RASA2: variants seen among roughly 807,000 people sequenced by gnomAD.
RASA2 encodes the protein ras GTPase-activating protein 2.
In RASA2, 155 loss-of-function variants were observed where a neutral mutation model predicts 118.2. The observed-to-expected ratio is 1.31, with a 90% CI of 1.15 to 1.50. The LOEUF is 1.50. Ranked by LOEUF, RASA2 falls within the 40% of genes most tolerant of loss-of-function variation. RASA2 has a pLI of 0.00. For synonymous variants in RASA2, 353 were observed against 349.1 expected (o/e 1.01, Z -0.12); for missense variants, 1,016 against 1,009.6 (o/e 1.01, Z -0.09).
chr3:141,585,053 A>G (rs917021534), intron 17 of RASA2, among the ~76,000 whole-genome samples: 1 of 152,104 alleles, frequency 6.6e-6, no homozygotes, highest in Non-Finnish European at 1.5e-5. Context: ...CTGTATTCTT[A>G]TGGGCCTTAC....
rs985090810 is a variant in RASA2 at position 141,613,295 on chromosome 3, G to A, written c.*982G>A. On this transcript the variant is annotated 3_prime_UTR_variant, in exon 24 of 24. Transcript: ENST00000286364. ...GACTTTAGATACTCCATGGTATCTAGTCTTTATGATCAGTTGAATGATCAG... is the reference window on the plus strand; with the variant it reads ...GACTTTAGATACTCCATGGTATCTAATCTTTATGATCAGTTGAATGATCAG... 2.0e-5 allele frequency: 3 copies of A among 152,148 alleles called. No homozygotes were observed. The highest frequency in any genetic ancestry group is 2.0e-4 in the Admixed American group (3 of 15,286). 9.4% of individuals were successfully genotyped at this position (152,148 alleles called of 1,614,324 possible).
intron 17 of RASA2, among the ~76,000 whole-genome samples, chr3:141,584,452 A>G (rs1438054715): frequency 6.6e-6 from 1 of 151,872 alleles, no homozygotes; most frequent in African/African-American, 2.4e-5. Context: ...AGGGTAGCAT[A>G]TTTATGAAGT....
At chr3:141,529,621 C>A in intron 3 of RASA2, 87 bp from the exon 4 acceptor site, 1 of 787,188 alleles carries the variant, frequency 1.3e-6, no homozygotes, top group Non-Finnish European at 1.9e-6. Flanking sequence ...AAAATATTTT[C>A]TATAAAGTAT....
intron 19 of RASA2, among the ~76,000 whole-genome samples, chr3:141,590,744 C>G (rs1038166257): frequency 6.6e-6 from 1 of 152,192 alleles, no homozygotes; most frequent in Non-Finnish European, 1.5e-5. Flanking sequence ...CTTTCACTCT[C>G]TCTTCCTAAT....
chr3:141,575,776 G>T (rs1027739541), intron 14 of RASA2, among the ~76,000 whole-genome samples: 2 of 152,092 alleles, frequency 1.3e-5, no homozygotes, highest in African/African-American at 4.8e-5. Flanking sequence ...AACACTTTAT[G>T]GGGTTTTTTT....
intron 9 of RASA2, among the ~76,000 whole-genome samples, chr3:141,566,840 C>T (rs1463584577): frequency 6.6e-6 from 1 of 152,054 alleles, no homozygotes; most frequent in Non-Finnish European, 1.5e-5. Context: ...CAAAAAGTGA[C>T]CCAAGGCTTC....
intron 12 of RASA2, 41 bp downstream of exon 12, chr3:141,572,764 T>C (rs1045748512): frequency 5.0e-5 from 71 of 1,409,728 alleles, no homozygotes; most frequent in Non-Finnish European, 6.5e-5. Context: ...TGTGGCCTTA[T>C]GATAGTTGTT....
intron 9 of RASA2, among the ~76,000 whole-genome samples, chr3:141,567,753 C>G (rs1196612598): frequency 6.6e-6 from 1 of 152,162 alleles, no homozygotes; most frequent in East Asian, 1.9e-4. Flanking sequence ...AAGACAAACT[C>G]TTCCTCAGTA....
At chr3:141,492,922 T>C (rs2081655974) in intron 1 of RASA2, among the ~76,000 whole-genome samples, 1 of 152,200 alleles carries the variant, frequency 6.6e-6, no homozygotes, top group East Asian at 1.9e-4. Flanking sequence ...TGAAAGATCC[T>C]ATTTTATCCT....
At chr3:141,496,845 G>A (rs889304692) in intron 1 of RASA2, among the ~76,000 whole-genome samples, 33 of 152,148 alleles carry the variant, frequency 2.2e-4, no homozygotes, top group African/African-American at 8.0e-4. Flanking sequence ...AAATCATGCT[G>A]CTACAAAGAC....
At position 141,508,037 on chromosome 3, in the gene RASA2, T is replaced by A. The variant is rs190283930; in HGVS notation, c.134-4126T>A. On this transcript the variant is annotated intron_variant, in intron 1 of 23. Transcript: ENST00000286364. Reference sequence around the variant, plus strand: ...TGTCATTAAACGGGCTATAGATAAGTTGAGAAAGTTTATAAATAATACCGT... The same window carrying A: ...TGTCATTAAACGGGCTATAGATAAGATGAGAAAGTTTATAAATAATACCGT... 9.2e-5 allele frequency among the ~76,000 whole-genome samples: 14 copies of A among 152,168 alleles called. No homozygotes were observed. In the East Asian group the frequency reaches 2.5e-3, roughly 27 times the overall value.
chr3:141,605,130 G>T (rs987129607), intron 19 of RASA2, among the ~76,000 whole-genome samples: 2 of 151,936 alleles, frequency 1.3e-5, no homozygotes, highest in Non-Finnish European at 2.9e-5. Context: ...AAGTTCTAAT[G>T]TTTTTCTGCC....
intron 19 of RASA2, among the ~76,000 whole-genome samples, chr3:141,596,523 A>G (rs1177057038): frequency 1.3e-5 from 2 of 152,228 alleles, no homozygotes; most frequent in East Asian, 3.8e-4. Context: ...TCAAAAGAGG[A>G]CCATTAAGAA....
chr3:141,606,431 A>C (rs1264326624), intron 19 of RASA2, among the ~76,000 whole-genome samples: 1 of 152,108 alleles, frequency 6.6e-6, no homozygotes, highest in Admixed American at 6.6e-5. Context: ...ACATCACCTC[A>C]GTTTATTTTC....
intron 17 of RASA2, among the ~76,000 whole-genome samples, chr3:141,585,272 T>G (rs538770353): frequency 1.8e-4 from 27 of 152,282 alleles, no homozygotes; most frequent in African/African-American, 5.8e-4. Context: ...ATCAAATACA[T>G]TAATTCTTAT....
At chr3:141,539,211 G>A (rs2082372244) in intron 4 of RASA2, among the ~76,000 whole-genome samples, 1 of 152,164 alleles carries the variant, frequency 6.6e-6, no homozygotes, top group Non-Finnish European at 1.5e-5. Flanking sequence ...CAGGAATAAT[G>A]AAAGACCTAG....
chr3:141,583,368 T>C (rs999735553), intron 17 of RASA2, among the ~76,000 whole-genome samples: 2 of 152,090 alleles, frequency 1.3e-5, no homozygotes, highest in African/African-American at 4.8e-5. Context: ...GAGGTTGCAG[T>C]GAGCCGAGAT....
intron 4 of RASA2, among the ~76,000 whole-genome samples, chr3:141,539,374 T>A (rs973009053): frequency 6.6e-6 from 1 of 152,216 alleles, no homozygotes; most frequent in Non-Finnish European, 1.5e-5. Flanking sequence ...GGCAGACTTC[T>A]GTTTTAAGAT....
At chr3:141,524,871 G>A (rs1402469703) in intron 3 of RASA2, among the ~76,000 whole-genome samples, 5 of 151,978 alleles carry the variant, frequency 3.3e-5, no homozygotes, top group African/African-American at 1.2e-4. Context: ...GATTACACGC[G>A]TGAGCCACCA....
Sources: gnomAD v4.1 joint callset for allele counts (sites outside exome capture counted in the v4.1 genomes callset) on GRCh38, gnomAD v4.1.1 for gene constraint, MANE v1.5 for transcripts, NCBI Gene and HGNC (gene_info 2026-07-23, HGNC 2026-07-21) for gene names.